The following NXPE4 variants were observed in gnomAD, a reference collection of about 807,000 sequenced individuals.
The protein encoded by NXPE4 is neurexophilin and PC-esterase domain family member 4.
In NXPE4, 42 loss-of-function variants were observed where a neutral mutation model predicts 33.3. That is an observed-to-expected ratio of 1.26 (90% CI 0.98 to 1.63). The LOEUF (loss-of-function observed/expected upper bound fraction) is 1.63. Ranked by LOEUF, NXPE4 falls within the 40% of genes most tolerant of loss-of-function variation. The pLI, the probability that NXPE4 is intolerant of heterozygous loss-of-function variation, is 0.00. For synonymous variants in NXPE4, 253 were observed against 234.9 expected, an observed-to-expected ratio of 1.08 and a Z score of -0.71; for missense variants, 709 against 647.6, an observed-to-expected ratio of 1.09 and a Z score of -1.03.
chr11:114,618,122 G>A, the NXPE4 span, among the ~76,000 whole-genome samples: 6 of 151,918 alleles, frequency 3.9e-5, no homozygotes, highest in Admixed American at 6.6e-5. Flanking sequence ...CGCCTCGTGG[G>A]AAACCAGTGT....
the NXPE4 span, among the ~76,000 whole-genome samples, chr11:114,674,567 A>G: frequency 2.6e-5 from 4 of 151,706 alleles, no homozygotes; most frequent in Admixed American, 6.6e-5. Context: ...GAATCAAAAC[A>G]TACCACCACA....
the NXPE4 span, among the ~76,000 whole-genome samples, chr11:114,622,561 G>A: frequency 6.6e-5 from 10 of 151,850 alleles, no homozygotes; most frequent in South Asian, 4.2e-4. Flanking sequence ...GTATTGCCTC[G>A]TGGGTAACCA....
At chr11:114,592,024 C>A (rs149144898) in intron 2 of NXPE4, among the ~76,000 whole-genome samples, 1 of 152,018 alleles carries the variant, frequency 6.6e-6, no homozygotes, top group Non-Finnish European at 1.5e-5. Context: ...AAGAAATGTA[C>A]CTCAAAACAA....
chr11:114,617,537 A>G, the NXPE4 span, among the ~76,000 whole-genome samples: 12 of 152,138 alleles, frequency 7.9e-5, no homozygotes, highest in African/African-American at 2.7e-4. Flanking sequence ...CTCGTGGCTA[A>G]CCACTGTTAC....
At chr11:114,637,466 T>G in the NXPE4 span, among the ~76,000 whole-genome samples, 1 of 151,838 alleles carries the variant, frequency 6.6e-6, no homozygotes, top group Non-Finnish European at 1.5e-5. Context: ...CATTTACATT[T>G]AAAGTTAATA....
At chr11:114,587,288 T>G (rs1476392224) in intron 2 of NXPE4, among the ~76,000 whole-genome samples, 3 of 152,234 alleles carry the variant, frequency 2.0e-5, no homozygotes, top group African/African-American at 7.2e-5. Flanking sequence ...GCACCTATTC[T>G]GCCTCCAATT....
intron 5 of NXPE4, among the ~76,000 whole-genome samples, chr11:114,578,985 T>G (rs1483284989): frequency 6.6e-6 from 1 of 152,216 alleles, no homozygotes; most frequent in Non-Finnish European, 1.5e-5. Flanking sequence ...GACTTGTACT[T>G]GTATTAGTCT....
chr11:114,637,036 T>C, the NXPE4 span, among the ~76,000 whole-genome samples: 3 of 152,178 alleles, frequency 2.0e-5, no homozygotes, highest in East Asian at 3.9e-4. Flanking sequence ...TTCTGTCTCA[T>C]TGATCTGTCT....
chr11:114,647,949 C>A, the NXPE4 span, among the ~76,000 whole-genome samples: 2 of 152,154 alleles, frequency 1.3e-5, no homozygotes, highest in Non-Finnish European at 2.9e-5. Flanking sequence ...ATCCACCTGC[C>A]TTGGCCTCCC....
At chr11:114,573,987 G>C (rs1225372163) in intron 5 of NXPE4, among the ~76,000 whole-genome samples, 1 of 151,948 alleles carries the variant, frequency 6.6e-6, no homozygotes, top group Admixed American at 6.6e-5. Context: ...GTAAATTTAA[G>C]AAAATCAAAA....
chr11:114,613,719 TA>T, the NXPE4 span, among the ~76,000 whole-genome samples: 1 of 151,924 alleles, frequency 6.6e-6, no homozygotes, highest in East Asian at 1.9e-4. Context: ...CAGCAGGTAA[TA>T]AGTGTTGTCT....
At chr11:114,617,967 T>C in the NXPE4 span, among the ~76,000 whole-genome samples, 3 of 144,628 alleles carry the variant, frequency 2.1e-5, no homozygotes, top group Admixed American at 6.8e-5. Context: ...ACCACTGTTA[T>C]CCAGTTTGTA....
intron 5 of NXPE4, 93 bp from the exon 6 acceptor site, chr11:114,571,566 T>G (rs920010569): frequency 2.7e-6 from 3 of 1,117,140 alleles, no homozygotes; most frequent in Non-Finnish European, 3.8e-6. Flanking sequence ...TTGGTATAAT[T>G]AAATAAGCTA....
At chr11:114,586,892 G>A (rs1949313238) in intron 2 of NXPE4, among the ~76,000 whole-genome samples, 1 of 152,234 alleles carries the variant, frequency 6.6e-6, no homozygotes, top group South Asian at 2.1e-4. Context: ...ATGCCATAAT[G>A]CCTGGGAATA....
the NXPE4 span, among the ~76,000 whole-genome samples, chr11:114,603,098 T>G: frequency 6.6e-6 from 1 of 151,922 alleles, no homozygotes; most frequent in East Asian, 1.9e-4. Flanking sequence ...ATAATTATTG[T>G]CTTGTCTCAT....
At chr11:114,663,574 ATC>A in the NXPE4 span, among the ~76,000 whole-genome samples, 20 of 146,458 alleles carry the variant, frequency 1.4e-4, no homozygotes, top group Admixed American at 1.3e-3. Context: ...TCTATCTATC[ATC>A]TCTATCTATC....
the NXPE4 span, among the ~76,000 whole-genome samples, chr11:114,621,485 T>C: frequency 6.9e-6 from 1 of 145,808 alleles, no homozygotes; most frequent in Non-Finnish European, 1.5e-5. Context: ...ATGGGTAACC[T>C]CTATTACTCA....
intron 5 of NXPE4, 94 bp from the exon 6 acceptor site, chr11:114,571,567 A>C: frequency 8.8e-7 from 1 of 1,132,878 alleles, no homozygotes; most frequent in Non-Finnish European, 1.3e-6. Flanking sequence ...TGGTATAATT[A>C]AATAAGCTAA....
At chr11:114,677,865 G>T in the NXPE4 span, among the ~76,000 whole-genome samples, 2 of 152,028 alleles carry the variant, frequency 1.3e-5, no homozygotes, top group African/African-American at 4.8e-5. Flanking sequence ...GGTGGTAGCA[G>T]GGCCACCTGG....
Sources: allele counts gnomAD v4.1 joint callset (sites outside exome capture counted in the v4.1 genomes callset), GRCh38; gene constraint gnomAD v4.1.1; transcripts MANE v1.5; gene names NCBI Gene and HGNC (gene_info 2026-07-23, HGNC 2026-07-21).